The following MRE11 variants were observed in gnomAD, a reference collection of about 807,000 sequenced individuals.
The protein encoded by MRE11 is MRE11 double strand break repair nuclease.
Under a neutral mutation model 91.7 loss-of-function variants are expected in MRE11, and 62 were observed. The observed-to-expected ratio is 0.68, with a 90% confidence interval of 0.55 to 0.84. MRE11 has a LOEUF of 0.84. Ranked by LOEUF, MRE11 falls within the 40% of genes least tolerant of loss-of-function variation. The probability of loss-of-function intolerance (pLI) is 0.00; values close to 1 mark genes in which losing one functional copy is unlikely to be tolerated. For synonymous variants in MRE11, 273 were observed against 271.4 expected (o/e 1.01, Z -0.06); for missense variants, 796 against 852.9 (o/e 0.93, Z 0.83).
chr11:94,469,324 T>G (rs1385298891), intron 9 of MRE11, among the ~76,000 whole-genome samples: 1 of 152,100 alleles, frequency 6.6e-6, no homozygotes, highest in African/African-American at 2.4e-5. Flanking sequence ...ATCTAGTGGG[T>G]ACAAACCAGG....
At chr11:94,448,709 C>T (rs1026256634) in intron 14 of MRE11, among the ~76,000 whole-genome samples, 2 of 152,070 alleles carry the variant, frequency 1.3e-5, no homozygotes, top group African/African-American at 2.4e-5. Flanking sequence ...GAACATGCCA[C>T]GCATTTTTAA....
chr11:94,419,825 T>G lies in MRE11; in HGVS notation c.*300A>C. The stretch of plus-strand genomic sequence containing the variant: ...ATTTTATAAGCTCTTTCCCTCAACT[T>G]TGGCTAAATGTAACCATATTAAAAT... On this transcript the variant is annotated 3_prime_UTR_variant, in exon 20 of 20. Transcript: ENST00000323929. 4.0e-6 allele frequency: 1 copy of G among 251,038 alleles called. No individual in the cohort carries two copies. Among genetic ancestry groups the G allele is most frequent in the Non-Finnish European group, 7.7e-6 (1 of 129,786 alleles). The allele number at this position is 251,038 out of a possible 1,614,324, so 15.6% of individuals were successfully genotyped here. A position where few individuals can be genotyped will look rare whatever the true frequency, so the allele number is the denominator to read the frequency against.
chr11:94,421,809 G>T (rs985217232), intron 19 of MRE11, among the ~76,000 whole-genome samples: 1 of 152,110 alleles, frequency 6.6e-6, no homozygotes, highest in African/African-American at 2.4e-5. Flanking sequence ...GTCACAAAAA[G>T]GCAAATACTA....
Position 94,482,460 on chromosome 11 carries a change from T to C in MRE11, c.315-2699A>G, listed in dbSNP as rs368582149. On this transcript the variant is annotated intron_variant, in intron 4 of 19. Coordinates refer to ENST00000323929, the MANE Select transcript of MRE11 (RefSeq NM_005591.4). ...GAGTTTACCACTCACTGACACTCCA[T>C]GAAAAAACTACTGAAAACTGTGCTT... Among the ~76,000 whole-genome samples the C allele has an allele frequency of 1.9e-4, 29 of 152,028 alleles. 2 individuals are homozygous for C. Among genetic ancestry groups the C allele is most frequent in the African/African-American group, 6.0e-4 (25 of 41,478 alleles).
intron 19 of MRE11, among the ~76,000 whole-genome samples, chr11:94,424,446 C>G (rs1945255284): frequency 6.6e-6 from 1 of 152,132 alleles, no homozygotes; most frequent in Admixed American, 6.5e-5. Flanking sequence ...ATTCAAAAAG[C>G]CAGAATGTCC....
chr11:94,422,435 G>A (rs1009638771), intron 19 of MRE11, among the ~76,000 whole-genome samples: 1 of 152,024 alleles, frequency 6.6e-6, no homozygotes, highest in Non-Finnish European at 1.5e-5. Context: ...GACACATGTA[G>A]AGCATATAGT....
At chr11:94,510,050 T>A in the MRE11 span, among the ~76,000 whole-genome samples, 4 of 152,186 alleles carry the variant, frequency 2.6e-5, no homozygotes, top group Non-Finnish European at 5.9e-5. Context: ...CATTTTTTTT[T>A]AATTCCTGCA....
chr11:94,435,928 T>G (rs762503097), intron 17 of MRE11, 29 bp from the exon 18 acceptor site: 5 of 1,584,846 alleles, frequency 3.2e-6, no homozygotes, highest in Non-Finnish European at 3.5e-6. Flanking sequence ...AACAAACAGT[T>G]TTTGTGAGAA....
At chr11:94,446,025 AGAACAAACATCT>A (rs1258484680) in intron 15 of MRE11, 132 bp from the exon 16 acceptor site, 20 of 698,966 alleles carry the variant, frequency 2.9e-5, no homozygotes, top group Non-Finnish European at 5.1e-5. Context: ...CATATATATA[AGAACAAACATCT>A]AGAGTCTGAC....
chr11:94,485,825 T>C lies in MRE11; in HGVS notation c.314+99A>G, dbSNP rs143677623. ...CAAAGAATGATATTTACTAAGAAAA[T>C]AGCTTATATGGAAGGCAAAACAGTT... On this transcript the variant is annotated intron_variant, in intron 4 of 19. Transcript: ENST00000323929. 235 of 1,103,402 alleles carry C rather than the reference T, an allele frequency of 2.1e-4. No homozygotes were observed. In the African/African-American group the frequency reaches 3.1e-3, roughly 14 times the overall value. 68.4% of individuals were successfully genotyped at this position (1,103,402 alleles called of 1,614,324 possible).
chr11:94,480,042 C>T lies in MRE11; in HGVS notation c.315-281G>A, dbSNP rs13447608. Among the ~76,000 whole-genome samples, 3,152 of 152,122 alleles carry T rather than the reference C, an allele frequency of 0.021. 71 individuals carry two copies. Among genetic ancestry groups the T allele is most frequent in the Middle Eastern group, 0.027 (8 of 292 alleles). On this transcript the variant is annotated intron_variant, in intron 4 of 19. Transcript: ENST00000323929. ...ATCTAATTAATGAAAAGTTAATAAG[C>T]CTTCAAAATTTTAAAAACTTAGCAT...
the MRE11 span, among the ~76,000 whole-genome samples, chr11:94,504,308 T>C: frequency 6.6e-6 from 1 of 152,194 alleles, no homozygotes; most frequent in African/African-American, 2.4e-5. Flanking sequence ...TATTCTTTTA[T>C]TATTTTCCAT....
chr11:94,505,101 A>G, the MRE11 span, among the ~76,000 whole-genome samples: 2 of 152,244 alleles, frequency 1.3e-5, no homozygotes, highest in Non-Finnish European at 2.9e-5. Flanking sequence ...ATGTTTACAT[A>G]CAACTACGTA....
the MRE11 span, among the ~76,000 whole-genome samples, chr11:94,501,056 C>T: frequency 2.0e-5 from 3 of 152,144 alleles, no homozygotes; most frequent in Non-Finnish European, 2.9e-5. Context: ...TCATAAGATG[C>T]TCCAGTCCAT....
Position 94,460,978 on chromosome 11 carries a change from C to T in MRE11, c.1284G>A (p.Arg428=), listed in dbSNP as rs1215254762. ...AGTACTGTTTTACAAGATCTTCTAC[C>T]CTTAAAGTTGTTCCTTCTGAAGGCT... ...ITKPSEGTTL[R]VEDLVKQYFQ... Residue 428 remains arginine, a synonymous_variant, in exon 12 of 20, where the codon AGG becomes AGA. Transcript: ENST00000323929. 1 of 1,613,752 alleles carries T rather than the reference C, an allele frequency of 6.2e-7. No homozygotes were observed. Among genetic ancestry groups the T allele is most frequent in the African/African-American group, 1.3e-5 (1 of 75,014 alleles).
upstream of MRE11, chr11:94,496,903 G>T: frequency 6.2e-7 from 1 of 1,613,560 alleles, no homozygotes; most frequent in Non-Finnish European, 8.5e-7. Flanking sequence ...AAAAAAAAAT[G>T]GAAAAAGACC....
intron 4 of MRE11, among the ~76,000 whole-genome samples, chr11:94,481,457 A>G (rs1366328545): frequency 6.6e-6 from 1 of 152,188 alleles, no homozygotes; most frequent in Non-Finnish European, 1.5e-5. Flanking sequence ...TTGGTTGCAA[A>G]TATTCTTCCT....
At chr11:94,491,574 T>G (rs1947284189) in intron 2 of MRE11, among the ~76,000 whole-genome samples, 1 of 152,210 alleles carries the variant, frequency 6.6e-6, no homozygotes, top group South Asian at 2.1e-4. Flanking sequence ...TTTAATTGTA[T>G]GAAATACTTT....
chr11:94,449,050 T>G (rs1026560165), intron 14 of MRE11, among the ~76,000 whole-genome samples: 2 of 152,142 alleles, frequency 1.3e-5, no homozygotes. Flanking sequence ...CAAGAAGACA[T>G]GATAACAGTC....
Sources: gnomAD v4.1 joint callset for allele counts (sites outside exome capture counted in the v4.1 genomes callset) on GRCh38, gnomAD v4.1.1 for gene constraint, MANE v1.5 for transcripts, NCBI Gene and HGNC (gene_info 2026-07-23, HGNC 2026-07-21) for gene names.